The following THSD7B variants were observed in gnomAD, a reference collection of about 807,000 sequenced individuals.
THSD7B encodes the protein thrombospondin type-1 domain-containing protein 7B.
THSD7B carries 138 observed loss-of-function variants against 213.6 expected under a neutral mutation model. That is an observed-to-expected ratio of 0.65 (90% confidence interval 0.56 to 0.74). The LOEUF (loss-of-function observed/expected upper bound fraction) is 0.74, where lower values mean the gene tolerates loss of function less well. Ranked by LOEUF, THSD7B falls within the 30% of genes least tolerant of loss-of-function variation. The probability of loss-of-function intolerance (pLI) is 0.00; values close to 1 mark genes in which losing one functional copy is unlikely to be tolerated. For synonymous variants in THSD7B, 742 were observed against 687.0 expected (o/e 1.08, Z -1.25); for missense variants, 1,931 against 1,991.5 (o/e 0.97, Z 0.58).
intron 15 of THSD7B, among the ~76,000 whole-genome samples, chr2:137,554,569 G>A (rs78250485): frequency 0.023 from 3,556 of 152,232 alleles, 160 homozygotes; most frequent in African/African-American, 0.082. Context: ...GAGGGGAGGC[G>A]GTTCCAAGAT....
chr2:137,035,003 AG>A (rs753317505), intron 2 of THSD7B, among the ~76,000 whole-genome samples: 1 of 152,200 alleles, frequency 6.6e-6, no homozygotes, highest in Non-Finnish European at 1.5e-5. Context: ...TAGATCCCTG[AG>A]GAACCGCCAC....
intron 2 of THSD7B, among the ~76,000 whole-genome samples, chr2:136,943,282 CA>C (rs1684864459): frequency 6.6e-6 from 1 of 152,088 alleles, no homozygotes; most frequent in African/African-American, 2.4e-5. Flanking sequence ...TTCAGTTTGC[CA>C]GTATTTTGTT....
chr2:137,462,973 A>G (rs1242481099), intron 15 of THSD7B, among the ~76,000 whole-genome samples: 1 of 152,142 alleles, frequency 6.6e-6, no homozygotes, highest in East Asian at 1.9e-4. Flanking sequence ...GAAGGAAAAC[A>G]AGTCCATGCA....
chr2:137,270,922 T>C (rs537162933), intron 10 of THSD7B, among the ~76,000 whole-genome samples: 3 of 152,098 alleles, frequency 2.0e-5, no homozygotes, highest in Admixed American at 6.6e-5. Flanking sequence ...GAGGTAACCA[T>C]AGAAAAATTA....
chr2:136,820,512 A>G (rs75589955), intron 1 of THSD7B, among the ~76,000 whole-genome samples: 6,757 of 152,304 alleles, frequency 0.044, 209 homozygotes, highest in East Asian at 0.16. Context: ...TAACAAAATA[A>G]CTGTCTGGTA....
At chr2:137,280,494 T>C (rs1682980847) in intron 12 of THSD7B, among the ~76,000 whole-genome samples, 1 of 152,174 alleles carries the variant, frequency 6.6e-6, no homozygotes, top group African/African-American at 2.4e-5. Flanking sequence ...AATTGGTTCA[T>C]GGTTAAGATT....
At chr2:136,835,046 G>A (rs554749249) in intron 1 of THSD7B, among the ~76,000 whole-genome samples, 1 of 152,244 alleles carries the variant, frequency 6.6e-6, no homozygotes, top group South Asian at 2.1e-4. Context: ...TGGAGCCAAA[G>A]CTGAGACTTA....
chr2:137,045,061 T>C (rs972155422), intron 2 of THSD7B, among the ~76,000 whole-genome samples: 1 of 152,234 alleles, frequency 6.6e-6, no homozygotes, highest in African/African-American at 2.4e-5. Context: ...ACTGTGGCTG[T>C]AACTTTTGCA....
At chr2:137,640,037 T>G (rs1481742876) in intron 20 of THSD7B, among the ~76,000 whole-genome samples, 5 of 152,088 alleles carry the variant, frequency 3.3e-5, no homozygotes, top group Non-Finnish European at 1.5e-5. Flanking sequence ...TTTTGAAATG[T>G]GAGGACATGA....
intron 14 of THSD7B, among the ~76,000 whole-genome samples, chr2:137,449,047 C>CA (rs1440754200): frequency 1.3e-5 from 2 of 151,510 alleles, no homozygotes; most frequent in Non-Finnish European, 2.9e-5. Flanking sequence ...GCAGAGGTTT[C>CA]AAAAAAGGAG....
At chr2:136,967,862 G>T (rs150774273) in intron 2 of THSD7B, among the ~76,000 whole-genome samples, 1 of 152,110 alleles carries the variant, frequency 6.6e-6, no homozygotes, top group Non-Finnish European at 1.5e-5. Flanking sequence ...TTATGTAAAT[G>T]AAATTATACT....
At chr2:137,099,832 G>A (rs912041501) in intron 4 of THSD7B, among the ~76,000 whole-genome samples, 3 of 152,146 alleles carry the variant, frequency 2.0e-5, no homozygotes, top group East Asian at 1.9e-4. Flanking sequence ...AAAAGCCAAC[G>A]TGTAAAATAT....
chr2:137,114,367 T>C (rs1688407689), intron 4 of THSD7B, among the ~76,000 whole-genome samples: 1 of 152,230 alleles, frequency 6.6e-6, no homozygotes, highest in South Asian at 2.1e-4. Context: ...GGTATGAATG[T>C]AGTAGTGTGA....
rs1455489114 is a variant in THSD7B at position 136,951,864 on chromosome 2, T to A, written c.139+69547T>A. 2.0e-5 allele frequency among the ~76,000 whole-genome samples: 3 copies of A among 152,138 alleles called. No individual in the cohort carries two copies. The East Asian group carries it at 5.8e-4, about 29-fold the overall frequency. On this transcript the variant is annotated intron_variant, in intron 2 of 27. Transcript: ENST00000409968. ...AAGTTTTTTTAAAATTTATTTTTAT[T>A]GGTTTGTTTGTTTTTGTTTTTTTGA...
chr2:137,307,029 T>G (rs1683766650), intron 12 of THSD7B, among the ~76,000 whole-genome samples: 1 of 152,216 alleles, frequency 6.6e-6, no homozygotes, highest in African/African-American at 2.4e-5. Context: ...TAATAAGCTG[T>G]TGGCTTTCCA....
In THSD7B at chr2:137,121,921, T is replaced by C. The variant is rs193300734; in HGVS notation, c.1369+6628T>C. The stretch of plus-strand genomic sequence containing the variant: ...TTGTCTGCAACCTGGATGTCAGTAT[T>C]CCATGCCAAAGCTACGTAGCTCTGA... On this transcript the variant is annotated intron_variant, in intron 5 of 27. Transcript: ENST00000409968. Among the ~76,000 whole-genome samples, 5 of 152,302 alleles carry C rather than the reference T, an allele frequency of 3.3e-5. No individual in the cohort carries two copies. In the East Asian group the frequency reaches 9.6e-4, roughly 29 times the overall value.
At chr2:137,354,695 T>A (rs13396375) in intron 12 of THSD7B, among the ~76,000 whole-genome samples, 7,180 of 152,182 alleles carry the variant, frequency 0.047, 514 homozygotes, top group African/African-American at 0.16. Flanking sequence ...TATTATGAAA[T>A]CTATAGTAAT....
chr2:137,644,117 T>C (rs1407320845), intron 21 of THSD7B, among the ~76,000 whole-genome samples: 1 of 152,094 alleles, frequency 6.6e-6, no homozygotes, highest in African/African-American at 2.4e-5. Flanking sequence ...AAATAGCTAG[T>C]CTTGAAAGCC....
chr2:137,313,755 T>G (rs1683993908), intron 12 of THSD7B, among the ~76,000 whole-genome samples: 2 of 152,226 alleles, frequency 1.3e-5, no homozygotes, highest in South Asian at 2.1e-4. Flanking sequence ...TTATTTCCCC[T>G]TCACTTATGA....
Sources: allele counts gnomAD v4.1 joint callset (sites outside exome capture counted in the v4.1 genomes callset), GRCh38; gene constraint gnomAD v4.1.1; transcripts MANE v1.5; gene names NCBI Gene and HGNC (gene_info 2026-07-23, HGNC 2026-07-21).